Variants in SPNS2 observed in about 807,000 individuals in gnomAD.
SPNS2 encodes SPNS lysolipid transporter 2, sphingosine-1-phosphate.
A neutral mutation model predicts 57.6 loss-of-function variants in SPNS2; 37 were observed. The ratio of observed to expected loss-of-function variants is 0.64; its 90% CI spans 0.49 to 0.85. The LOEUF (loss-of-function observed/expected upper bound fraction) is 0.85, where lower values mean the gene tolerates loss of function less well. Among genes scored for constraint, SPNS2 ranks in the 40% least tolerant of loss-of-function variants. The pLI, the probability that SPNS2 is intolerant of heterozygous loss-of-function variation, is 0.00. For missense variants in SPNS2, 831 were observed against 779.1 expected (o/e 1.07, Z -0.79); for synonymous variants, 440 against 346.9 (o/e 1.27, Z -2.98).
chr17:4,533,744 G>T (rs370535740), intron 8 of SPNS2, 44 bp from the exon 9 acceptor site: 2 of 1,607,136 alleles, frequency 1.2e-6, no homozygotes, highest in South Asian at 1.1e-5. Flanking sequence ...TGGTTGCTGC[G>T]GATGGAGGGA....
intron 9 of SPNS2, among the ~76,000 whole-genome samples, chr17:4,534,682 T>G (rs563616284): frequency 5.3e-5 from 8 of 152,174 alleles, no homozygotes; most frequent in South Asian, 2.1e-4. Flanking sequence ...CGCTTCCCCC[T>G]GGGGTGGCTC....
chr17:4,525,165 C>T lies in SPNS2; in HGVS notation c.545C>T (p.Thr182Ile). 3.7e-6 allele frequency: 6 copies of T among 1,614,184 alleles called. No homozygotes were observed. Among genetic ancestry groups the T allele is most frequent in the Non-Finnish European group, 3.4e-6 (4 of 1,180,024 alleles). Reference protein sequence around the residue: ...SCGIFFWSAVTFSSSFIPQQY... With the variant: ...SCGIFFWSAVIFSSSFIPQQY... The stretch of plus-strand genomic sequence containing the variant: ...GGCATTTTCTTCTGGTCGGCCGTCA[C>T]CTTCTCCAGCTCCTTCATTCCCCAG... The change falls in exon 3 of 13, where the codon ACC becomes ATC. Residue 182 changes from threonine to isoleucine, a missense_variant. By Grantham distance (89) the Thr-to-Ile change is moderately conservative. Coordinates refer to ENST00000329078, the MANE Select transcript of SPNS2 (RefSeq NM_001124758.3).
chr17:4,523,983 T>C (rs1341455762), intron 2 of SPNS2, among the ~76,000 whole-genome samples: 2 of 152,190 alleles, frequency 1.3e-5, no homozygotes, highest in Non-Finnish European at 2.9e-5. Context: ...GCATTGTAGG[T>C]ACAAAAAAAT....
chr17:4,534,717 G>T (rs1195196058), intron 9 of SPNS2, among the ~76,000 whole-genome samples: 1 of 152,150 alleles, frequency 6.6e-6, no homozygotes, highest in African/African-American at 2.4e-5. Flanking sequence ...TCCATGGGCT[G>T]CGGTGGTGGT....
chr17:4,524,108 T>C (rs904427107), intron 2 of SPNS2, among the ~76,000 whole-genome samples: 1 of 152,184 alleles, frequency 6.6e-6, no homozygotes, highest in Non-Finnish European at 1.5e-5. Flanking sequence ...GTCTAGCAGG[T>C]GCGAAATCTG....
At chr17:4,517,057 G>A (rs1054697490) in intron 2 of SPNS2, among the ~76,000 whole-genome samples, 4 of 152,194 alleles carry the variant, frequency 2.6e-5, no homozygotes, top group Non-Finnish European at 4.4e-5. Context: ...GGGTTTCTTC[G>A]TTCTAACCGT....
chr17:4,535,249 TG>T (rs932697273), intron 9 of SPNS2, among the ~76,000 whole-genome samples: 1 of 152,038 alleles, frequency 6.6e-6, no homozygotes, highest in East Asian at 1.9e-4. Flanking sequence ...CTTGGTCTGA[TG>T]GGGGTCTGGG....
rs73972606 is a variant in SPNS2 at position 4,509,575 on chromosome 17, G to A, written c.371-3672G>A. On this transcript the variant is annotated intron_variant, in intron 1 of 12. Transcript: ENST00000329078. ...GTTTGTGGGCTGCTGTGCAGGAGCC[G>A]GAAGCCAGGGAGAGGCTGAGTGCAC... Among the ~76,000 whole-genome samples, 498 of 152,280 alleles carry A rather than the reference G, an allele frequency of 3.3e-3. 1 individual carries two copies. The highest frequency in any genetic ancestry group is 0.011 in the African/African-American group (470 of 41,534).
At chr17:4,514,054 C>T (rs1904922697) in intron 2 of SPNS2, among the ~76,000 whole-genome samples, 1 of 152,256 alleles carries the variant, frequency 6.6e-6, no homozygotes, top group Admixed American at 6.5e-5. Context: ...CATGACATGG[C>T]CCTGTGGGAG....
rs897790374 is a variant in SPNS2, at chr17:4,533,801, T to C, written c.1292T>C (p.Val431Ala). The C allele has an allele frequency of 1.2e-6, 2 of 1,613,636 alleles. No homozygotes were observed. Among genetic ancestry groups the C allele is most frequent in the Admixed American group, 1.7e-5 (1 of 60,008 alleles). ...TCTCCCCGGCAGATCTGTATCTTCG[T>C]CGGGGAGACGCTGCTGTTTTCTAAC... ...SIVGAYICIFVGETLLFSNWA... is the reference protein window; with the variant it reads ...SIVGAYICIFAGETLLFSNWA... Residue 431 changes from valine (V) to alanine (A), a missense_variant, in exon 9 of 13, where the codon GTC (valine) becomes GCC (alanine). Around this residue, in one of 2 missense-constraint regions of SPNS2, gnomAD observed 526 missense variants for 400.9 expected, o/e 1.31. Transcript: ENST00000329078.
At chr17:4,531,397 A>G (rs1905467353) in intron 5 of SPNS2, among the ~76,000 whole-genome samples, 1 of 152,064 alleles carries the variant, frequency 6.6e-6, no homozygotes, top group Non-Finnish European at 1.5e-5. Flanking sequence ...GGTTGAGAGA[A>G]CCAAGGATTC....
intron 1 of SPNS2, among the ~76,000 whole-genome samples, chr17:4,507,465 C>T (rs1037975683): frequency 1.3e-5 from 2 of 152,248 alleles, no homozygotes; most frequent in Admixed American, 6.5e-5. Context: ...ATGTGCCAGG[C>T]ACTATTCTAA....
Position 4,529,690 on chromosome 17 carries a change from G to T in SPNS2, c.574-942G>T, listed in dbSNP as rs143370962. 1.9e-3 allele frequency among the ~76,000 whole-genome samples: 277 copies of T among 149,210 alleles called. 1 individual carries two copies. The highest frequency in any genetic ancestry group is 6.3e-3 in the African/African-American group (259 of 40,806). On this transcript the variant is annotated intron_variant, in intron 3 of 12. Transcript: ENST00000329078. Reference sequence around the variant, plus strand: ...CATCTGAAAAAAGAAGAAAAAAAAAGAAATCAATGCAAAAGAGACAAATGA... The same window carrying T: ...CATCTGAAAAAAGAAGAAAAAAAAATAAATCAATGCAAAAGAGACAAATGA...
At chr17:4,535,441 G>C (rs896048460) in intron 9 of SPNS2, among the ~76,000 whole-genome samples, 1 of 152,170 alleles carries the variant, frequency 6.6e-6, no homozygotes, top group Non-Finnish European at 1.5e-5. Flanking sequence ...TGGCTGTGGC[G>C]GGGGTTCAGG....
Position 4,537,779 on chromosome 17 carries a change from T to C in SPNS2, c.*331T>C, listed in dbSNP as rs1389503661. On this transcript the variant is annotated 3_prime_UTR_variant, in exon 13 of 13. Coordinates refer to ENST00000329078, the MANE Select transcript of SPNS2 (RefSeq NM_001124758.3). ...GGCCTGCCACCAGCTTATGTGATCT[T>C]GGGCAAGTCCCTGCCCTCCCTGGAA... 2.2e-6 allele frequency: 1 copy of C among 455,810 alleles called. No individual in the cohort carries two copies. Among genetic ancestry groups the C allele is most frequent in the Non-Finnish European group, 4.4e-6 (1 of 226,178 alleles). 28.2% of individuals were successfully genotyped at this position (455,810 alleles called of 1,614,324 possible).
Position 4,511,307 on chromosome 17 carries a change from A to G in SPNS2, c.371-1940A>G, listed in dbSNP as rs562243015. Among the ~76,000 whole-genome samples the G allele has an allele frequency of 1.3e-5, 2 of 152,314 alleles. No homozygotes were observed. Among genetic ancestry groups the G allele is most frequent in the South Asian group, 4.1e-4 (2 of 4,830 alleles). On this transcript the variant is annotated intron_variant, in intron 1 of 12. Transcript: ENST00000329078. This position sits in a 1 kb window ranked among gnomAD's most constrained non-coding sequence, Gnocchi z 4.6. ...TCTGAACTGGCCTTGAAGAAGTGGC[A>G]GGAGTGAGCCTGGTTGACGGAGTTG...
chr17:4,537,087 T>C (rs1052068137), intron 12 of SPNS2, 141 bp downstream of exon 12: 24 of 927,466 alleles, frequency 2.6e-5, no homozygotes, highest in Admixed American at 1.1e-4. Flanking sequence ...TCTGAAGATG[T>C]TGCCAGAATT....
At chr17:4,514,830 G>A (rs1015322558) in intron 2 of SPNS2, among the ~76,000 whole-genome samples, 4 of 152,230 alleles carry the variant, frequency 2.6e-5, no homozygotes, top group Admixed American at 2.0e-4. Context: ...TGGGCGCATG[G>A]GAAGGAGTGG....
intron 9 of SPNS2, chr17:4,534,320 G>C (rs779681587): frequency 9.9e-6 from 2 of 202,474 alleles, no homozygotes; most frequent in Non-Finnish European, 1.0e-5. Context: ...ACAAAGGGCT[G>C]TCTTGAGCGG....
Sources: allele counts gnomAD v4.1 joint callset (sites outside exome capture counted in the v4.1 genomes callset), GRCh38; gene constraint gnomAD v4.1.1; regional missense constraint gnomAD v4.1.1; non-coding constraint Gnocchi (gnomAD v3.1); transcripts MANE v1.5; gene names NCBI Gene and HGNC (gene_info 2026-07-23, HGNC 2026-07-21).